The following CMBL variants were observed in gnomAD, a reference collection of about 807,000 sequenced individuals.
CMBL encodes the protein carboxymethylenebutenolidase homolog, also known as carboxymethylenebutenolidase homolog (Pseudomonas).
A neutral mutation model predicts 28.7 loss-of-function variants in CMBL; 17 were observed. The ratio of observed to expected loss-of-function variants is 0.59; its 90% confidence interval spans 0.41 to 0.89. CMBL has a LOEUF of 0.89. Ranked by LOEUF, CMBL falls within the 40% of genes least tolerant of loss-of-function variation. The pLI is 0.00. For synonymous variants in CMBL, 106 were observed against 101.6 expected, an observed-to-expected ratio of 1.04 and a Z score of -0.26; for missense variants, 310 against 298.5, an observed-to-expected ratio of 1.04 and a Z score of -0.28.
At chr5:10,306,776 G>T (rs1747008145) in intron 1 of CMBL, among the ~76,000 whole-genome samples, 1 of 152,168 alleles carries the variant, frequency 6.6e-6, no homozygotes, top group Non-Finnish European at 1.5e-5. Context: ...GGTCGAGATA[G>T]CATGAATTAG....
chr5:10,303,717 GT>G (rs2126565477), intron 1 of CMBL, among the ~76,000 whole-genome samples: 1 of 152,270 alleles, frequency 6.6e-6, no homozygotes, highest in Non-Finnish European at 1.5e-5. Context: ...ATAGTTATGG[GT>G]TGGGGGATCA....
At chr5:10,295,424 T>C (rs576759333) in intron 1 of CMBL, among the ~76,000 whole-genome samples, 10 of 152,194 alleles carry the variant, frequency 6.6e-5, no homozygotes, top group Non-Finnish European at 1.5e-4. Context: ...CCGTCATTCA[T>C]GGACATTCGA....
At chr5:10,285,840 A>G (rs1291282275) in intron 4 of CMBL, among the ~76,000 whole-genome samples, 1 of 150,954 alleles carries the variant, frequency 6.6e-6, no homozygotes, top group East Asian at 2.0e-4. Context: ...CTAGGACTAC[A>G]GGTGCACGTG....
At chr5:10,291,490 G>A (rs1016552564) in intron 1 of CMBL, among the ~76,000 whole-genome samples, 5 of 151,880 alleles carry the variant, frequency 3.3e-5, no homozygotes, top group Non-Finnish European at 7.4e-5. Flanking sequence ...GTGAAACCCC[G>A]TCTCTACTAA....
intron 4 of CMBL, among the ~76,000 whole-genome samples, chr5:10,282,772 A>G (rs1746519717): frequency 6.6e-6 from 1 of 151,424 alleles, no homozygotes; most frequent in African/African-American, 2.4e-5. Context: ...ACAAAGTGAG[A>G]CCCCGTCAAA....
intron 1 of CMBL, among the ~76,000 whole-genome samples, chr5:10,291,578 G>C (rs932285157): frequency 6.6e-6 from 1 of 151,570 alleles, no homozygotes; most frequent in East Asian, 1.9e-4. Flanking sequence ...GGAGAATGGC[G>C]TGAACCCGGG....
chr5:10,296,223 G>A (rs531691690), intron 1 of CMBL, among the ~76,000 whole-genome samples: 3 of 152,336 alleles, frequency 2.0e-5, no homozygotes, highest in Non-Finnish European at 4.4e-5. Flanking sequence ...TTTAGGATTT[G>A]CTAACTCAGT....
intron 1 of CMBL, among the ~76,000 whole-genome samples, chr5:10,301,605 G>GTTTTT (rs1192683206): frequency 2.6e-5 from 2 of 77,276 alleles, no homozygotes; most frequent in African/African-American, 1.0e-4. Flanking sequence ...TTTCTTTTCG[G>GTTTTT]GTTTTTTTTT....
rs1287224196 is a variant in CMBL at position 10,278,570 on chromosome 5, T to G, written c.*1883A>C. Among the ~76,000 whole-genome samples, 3 of 151,986 alleles carry G rather than the reference T, an allele frequency of 2.0e-5. No individual in the cohort carries two copies. The highest frequency in any genetic ancestry group is 4.4e-5 in the Non-Finnish European group (3 of 68,010). On this transcript the variant is annotated 3_prime_UTR_variant, in exon 6 of 6. Transcript: ENST00000296658. Reference sequence around the variant, plus strand: ...GTGAAGGCTTTGGCTCATAGCTCCCTCTCTCTCTCGTTCTCCACCTTCTGG... The same window carrying G: ...GTGAAGGCTTTGGCTCATAGCTCCCGCTCTCTCTCGTTCTCCACCTTCTGG...
intron 1 of CMBL, among the ~76,000 whole-genome samples, chr5:10,305,630 G>T (rs1746989222): frequency 2.0e-5 from 3 of 152,058 alleles, no homozygotes; most frequent in Admixed American, 2.0e-4. Flanking sequence ...GGAGTGCAAT[G>T]GTGCAATCTC....
At chr5:10,291,204 A>C (rs959436763) in intron 1 of CMBL, among the ~76,000 whole-genome samples, 16 of 152,116 alleles carry the variant, frequency 1.1e-4, no homozygotes, top group Admixed American at 1.0e-3. Flanking sequence ...ATCGAAGCAC[A>C]TGAGACGGGA....
At chr5:10,299,730 G>C (rs1230118795) in intron 1 of CMBL, among the ~76,000 whole-genome samples, 1 of 151,544 alleles carries the variant, frequency 6.6e-6, no homozygotes, top group Non-Finnish European at 1.5e-5. Flanking sequence ...GTGCACCTGT[G>C]GTCCCAGCTA....
chr5:10,285,825 A>C (rs1746590759), intron 4 of CMBL, among the ~76,000 whole-genome samples: 1 of 150,236 alleles, frequency 6.7e-6, no homozygotes, highest in Non-Finnish European at 1.5e-5. Flanking sequence ...CAGCCTCCGG[A>C]GTAGCTAGGA....
chr5:10,301,338 T>C (rs1399067668), intron 1 of CMBL, among the ~76,000 whole-genome samples: 1 of 152,202 alleles, frequency 6.6e-6, no homozygotes, highest in Non-Finnish European at 1.5e-5. Context: ...ACTGTAGTTT[T>C]CTTGGTTTGG....
At chr5:10,295,896 T>C (rs1746800429) in intron 1 of CMBL, among the ~76,000 whole-genome samples, 1 of 152,170 alleles carries the variant, frequency 6.6e-6, no homozygotes, top group Non-Finnish European at 1.5e-5. Flanking sequence ...TTTTTGTGCT[T>C]TTTGAGGGGT....
intron 4 of CMBL, among the ~76,000 whole-genome samples, 165 bp from the exon 5 acceptor site, chr5:10,282,453 T>C (rs1158525855): frequency 6.6e-6 from 1 of 152,186 alleles, no homozygotes; most frequent in Non-Finnish European, 1.5e-5. Context: ...TTTTCTTTTT[T>C]AGCCATTCCA....
At chr5:10,283,252 G>A (rs1337842253) in intron 4 of CMBL, among the ~76,000 whole-genome samples, 1 of 152,218 alleles carries the variant, frequency 6.6e-6, no homozygotes, top group Non-Finnish European at 1.5e-5. Context: ...GGAGCAGCCT[G>A]AGGAATGTCC....
intron 1 of CMBL, among the ~76,000 whole-genome samples, chr5:10,299,676 CAA>C (rs56874867): frequency 1.2e-4 from 15 of 124,806 alleles, no homozygotes; most frequent in Non-Finnish European, 1.2e-4. Flanking sequence ...CCCATCTCTC[CAA>C]AAAAAAAAAA....
intron 3 of CMBL, among the ~76,000 whole-genome samples, chr5:10,287,041 C>T (rs952674732): frequency 2.6e-5 from 4 of 152,202 alleles, no homozygotes; most frequent in Non-Finnish European, 4.4e-5. Context: ...CCAGTGAAGC[C>T]AAATTTGGAA....
Sources: allele counts gnomAD v4.1 joint callset (sites outside exome capture counted in the v4.1 genomes callset), GRCh38; gene constraint gnomAD v4.1.1; transcripts MANE v1.5; gene names NCBI Gene and HGNC (gene_info 2026-07-23, HGNC 2026-07-21).